RAB40B: variants seen among roughly 807,000 people sequenced by gnomAD.
RAB40B encodes the protein RAB40B, member RAS oncogene family.
RAB40B carries 21 observed loss-of-function variants against 24.0 expected under a neutral mutation model. The observed-to-expected ratio is 0.88, with a 90% CI of 0.62 to 1.26. The LOEUF (loss-of-function observed/expected upper bound fraction) is 1.26, where lower values mean the gene tolerates loss of function less well. Among genes scored for constraint, RAB40B ranks in the 50% most tolerant of loss-of-function variants. The pLI, the probability that RAB40B is intolerant of heterozygous loss-of-function variation, is 0.00. For synonymous variants in RAB40B, 167 were observed against 169.8 expected (o/e 0.98, Z 0.13); for missense variants, 348 against 390.5 (o/e 0.89, Z 0.92).
At chr17:82,668,558 G>A (rs2046288443) in intron 1 of RAB40B, among the ~76,000 whole-genome samples, 1 of 152,282 alleles carries the variant, frequency 6.6e-6, no homozygotes, top group African/African-American at 2.4e-5. Context: ...GGGGGCTGAG[G>A]TGGCAAGGGC....
rs2046240856 is a variant in RAB40B at position 82,665,264 on chromosome 17, T to G, written c.143-708A>C. 2.0e-5 allele frequency among the ~76,000 whole-genome samples: 3 copies of G among 151,842 alleles called. No homozygotes were observed. The South Asian group carries it at 6.2e-4, about 31-fold the overall frequency. On this transcript the variant is annotated intron_variant, in intron 1 of 5. Transcript: ENST00000571995. ...CGAGAATGCCTTTCTTCTTCTTTTT[T>G]TTTTTTGAGACAGAGTTTCTCTCTG... is the stretch of plus-strand genomic sequence containing the variant.
At position 82,693,916 on chromosome 17, in the gene RAB40B, C is replaced by G. The variant is rs1026097724; in HGVS notation, c.142+4539G>C. Among the ~76,000 whole-genome samples, 9 of 151,352 alleles carry G rather than the reference C, an allele frequency of 5.9e-5. 1 individual carries two copies. The highest frequency in any genetic ancestry group is 2.2e-4 in the African/African-American group (9 of 40,786). On this transcript the variant is annotated intron_variant, in intron 1 of 5. Transcript: ENST00000571995. ...TGGCTAACAAAGTGAAACCCCGTCT[C>G]TACTAAAAATACAAAAATTAGCCAG...
chr17:82,669,632 GAC>G (rs1356645495), intron 1 of RAB40B, among the ~76,000 whole-genome samples: 2 of 152,236 alleles, frequency 1.3e-5, no homozygotes, highest in East Asian at 1.9e-4. Flanking sequence ...CAGCCTGGGT[GAC>G]AGAGTGAGAC....
chr17:82,674,446 A>G (rs2046374791), intron 1 of RAB40B, among the ~76,000 whole-genome samples: 1 of 145,134 alleles, frequency 6.9e-6, no homozygotes, highest in South Asian at 2.2e-4. Flanking sequence ...CCTGGCTAAC[A>G]GGGTGAAACC....
chr17:82,664,869 G>A lies in RAB40B; in HGVS notation c.143-313C>T, dbSNP rs1330626892. ...CCTGGAGGCCGGTGGGTTTGCCGCG[G>A]GGCTGTGGCCGCTGGGTGTGCCCCC... On this transcript the variant is annotated intron_variant, in intron 1 of 5. Transcript: ENST00000571995. 16 of 275,494 alleles carry A rather than the reference G, an allele frequency of 5.8e-5. No homozygotes were observed. The East Asian group carries it at 1.4e-3, about 24-fold the overall frequency. 17.1% of individuals were successfully genotyped at this position (275,494 alleles called of 1,614,324 possible). A position where few individuals can be genotyped will look rare whatever the true frequency, so the allele number is the denominator to read the frequency against.
intron 1 of RAB40B, among the ~76,000 whole-genome samples, chr17:82,670,178 C>CTTTTTT (rs71168131): frequency 7.4e-5 from 6 of 81,270 alleles, no homozygotes; most frequent in African/African-American, 9.6e-5. Context: ...GGCCAACAAT[C>CTTTTTT]TTTTTTTTTT....
chr17:82,668,228 T>C (rs12952159), intron 1 of RAB40B: 32,154 of 154,524 alleles, frequency 0.21, 3,637 homozygotes, highest in South Asian at 0.28. Context: ...GGGGTTTTTG[T>C]GGTCTTCAGG....
intron 1 of RAB40B, among the ~76,000 whole-genome samples, chr17:82,665,237 C>A (rs2046240125): frequency 1.4e-5 from 2 of 144,096 alleles, no homozygotes; most frequent in South Asian, 4.7e-4. Context: ...AAAAAAAAAA[C>A]CCGAGAATGC....
Position 82,667,865 on chromosome 17 carries a change from G to A in RAB40B, c.143-3309C>T, listed in dbSNP as rs977356514. On this transcript the variant is annotated intron_variant, in intron 1 of 5. Coordinates refer to ENST00000571995, the MANE Select transcript of RAB40B (RefSeq NM_006822.3). This position sits in a 1 kb window ranked among gnomAD's most constrained non-coding sequence, Gnocchi z 4.3. ...CCCAGTACGAGGCTTTCCTGAGCTGGCCAAACGTTTGCCACCGAGCCCAGC... is the reference window on the plus strand; with the variant it reads ...CCCAGTACGAGGCTTTCCTGAGCTGACCAAACGTTTGCCACCGAGCCCAGC... Among the ~76,000 whole-genome samples the A allele has an allele frequency of 6.6e-6, 1 of 152,154 alleles. No individual in the cohort carries two copies. The highest frequency in any genetic ancestry group is 1.5e-5 in the Non-Finnish European group (1 of 68,026).
At chr17:82,666,918 T>G (rs1291720233) in intron 1 of RAB40B, among the ~76,000 whole-genome samples, 1 of 152,134 alleles carries the variant, frequency 6.6e-6, no homozygotes, top group African/African-American at 2.4e-5. Flanking sequence ...TCGGCTGTGA[T>G]CGGATGTTGA....
At chr17:82,659,399 C>A in intron 4 of RAB40B, 181 bp downstream of exon 4, 1 of 600,706 alleles carries the variant, frequency 1.7e-6, no homozygotes, top group South Asian at 2.0e-5. Context: ...GTAGCTATCA[C>A]CAAAGCCCTA....
intron 3 of RAB40B, among the ~76,000 whole-genome samples, chr17:82,660,358 C>T (rs545678296): frequency 6.6e-6 from 1 of 152,114 alleles, no homozygotes; most frequent in African/African-American, 2.4e-5. Flanking sequence ...CGTGTACACA[C>T]ACACACGCAC....
intron 1 of RAB40B, among the ~76,000 whole-genome samples, chr17:82,694,527 A>G (rs1237717410): frequency 6.7e-6 from 1 of 149,268 alleles, no homozygotes; most frequent in Non-Finnish European, 1.5e-5. Flanking sequence ...TTGAGACTAC[A>G]TCTAAGAAAA....
intron 1 of RAB40B, among the ~76,000 whole-genome samples, chr17:82,690,689 T>G (rs1217576028): frequency 1.4e-5 from 2 of 146,172 alleles, no homozygotes; most frequent in African/African-American, 5.2e-5. Flanking sequence ...CAGGGGAAGA[T>G]CTGCAGAATT....
intron 1 of RAB40B, among the ~76,000 whole-genome samples, chr17:82,695,544 TA>T (rs79533384): frequency 0.025 from 3,322 of 133,612 alleles, 165 homozygotes; most frequent in African/African-American, 0.079. Context: ...AACATGTCAT[TA>T]AAAAAAAAAA....
intron 1 of RAB40B, among the ~76,000 whole-genome samples, chr17:82,674,632 C>T (rs550623806): frequency 0.02 from 1,547 of 79,276 alleles, 34 homozygotes; most frequent in African/African-American, 0.059. Flanking sequence ...GAGCAAGACT[C>T]GTCTTAAAAA....
chr17:82,673,437 G>A (rs1012299615), intron 1 of RAB40B, among the ~76,000 whole-genome samples: 1 of 128,326 alleles, frequency 7.8e-6, no homozygotes, highest in African/African-American at 3.0e-5. Context: ...CTCCCTTACT[G>A]CTGGATTCCA....
chr17:82,662,727 C>A (rs994184584), intron 2 of RAB40B: 2 of 985,198 alleles, frequency 2.0e-6, no homozygotes, highest in Non-Finnish European at 2.4e-6. Flanking sequence ...TGGCAGAAGC[C>A]CCCTGGGATC....
chr17:82,691,751 G>A (rs527849219), intron 1 of RAB40B, among the ~76,000 whole-genome samples: 1 of 152,222 alleles, frequency 6.6e-6, no homozygotes, highest in Non-Finnish European at 1.5e-5. Context: ...ACAATCTGGT[G>A]TTGGAAGCAC....
Sources: allele counts gnomAD v4.1 joint callset (sites outside exome capture counted in the v4.1 genomes callset), GRCh38; gene constraint gnomAD v4.1.1; non-coding constraint Gnocchi (gnomAD v3.1); transcripts MANE v1.5; gene names NCBI Gene and HGNC (gene_info 2026-07-23, HGNC 2026-07-21).